Variants in STX8 observed in about 807,000 individuals in gnomAD.
STX8 encodes the protein syntaxin-8.
In STX8, 23 loss-of-function variants were observed where a neutral mutation model predicts 37.5. That is an observed-to-expected ratio of 0.61 (90% CI 0.44 to 0.87). The LOEUF is 0.87. STX8 is among the 40% of genes least tolerant of loss of function. The pLI, the probability that STX8 is intolerant of heterozygous loss-of-function variation, is 0.00. For missense variants in STX8, 313 were observed against 284.7 expected (o/e 1.10, Z -0.71); for synonymous variants, 115 against 99.1 (o/e 1.16, Z -0.95).
At chr17:9,568,211 C>T (rs1161996465) in intron 2 of STX8, among the ~76,000 whole-genome samples, 160 bp downstream of exon 2, 8 of 152,156 alleles carry the variant, frequency 5.3e-5, no homozygotes, top group Middle Eastern at 3.2e-3. Context: ...TCAATGATTA[C>T]ATCACTACTA....
At chr17:9,447,800 T>TA (rs1387052017) in intron 6 of STX8, among the ~76,000 whole-genome samples, 1 of 152,182 alleles carries the variant, frequency 6.6e-6, no homozygotes, top group African/African-American at 2.4e-5. Context: ...TTTATTGGAA[T>TA]AAAAAAATTG....
At chr17:9,385,667 T>C (rs1455212261) in intron 6 of STX8, among the ~76,000 whole-genome samples, 2 of 152,222 alleles carry the variant, frequency 1.3e-5, no homozygotes, top group Admixed American at 6.5e-5. Context: ...TACTAATTGT[T>C]GGGGGAAAAT....
intron 7 of STX8, among the ~76,000 whole-genome samples, chr17:9,347,670 C>T (rs1410450532): frequency 2.0e-5 from 3 of 152,160 alleles, no homozygotes; most frequent in Non-Finnish European, 4.4e-5. Context: ...GCACCTGCCA[C>T]CATGCCCAGC....
chr17:9,262,268 C>T (rs1192996159), intron 7 of STX8, among the ~76,000 whole-genome samples: 2 of 152,232 alleles, frequency 1.3e-5, no homozygotes, highest in Non-Finnish European at 2.9e-5. Flanking sequence ...CGTGTCTGTT[C>T]AACTTAACCC....
chr17:9,517,844 C>T (rs564251208), intron 4 of STX8, among the ~76,000 whole-genome samples: 68 of 145,100 alleles, frequency 4.7e-4, no homozygotes, highest in Non-Finnish European at 8.1e-4. Context: ...TTGAAGAATG[C>T]GTGAGGTTTA....
intron 4 of STX8, among the ~76,000 whole-genome samples, chr17:9,529,341 A>G (rs1905716780): frequency 6.6e-6 from 1 of 152,178 alleles, no homozygotes; most frequent in Non-Finnish European, 1.5e-5. Context: ...GCAAATATGT[A>G]TGTATATAAA....
chr17:9,357,776 G>T (rs764705342), intron 7 of STX8, among the ~76,000 whole-genome samples: 1 of 152,034 alleles, frequency 6.6e-6, no homozygotes, highest in African/African-American at 2.4e-5. Flanking sequence ...AGAGTGAAGG[G>T]CGCAATGCCT....
chr17:9,339,065 C>G (rs1007757124), intron 7 of STX8, among the ~76,000 whole-genome samples: 1 of 126,248 alleles, frequency 7.9e-6, no homozygotes, highest in Non-Finnish European at 1.6e-5. Flanking sequence ...AGCGAGACTC[C>G]GTCTCAAAAA....
intron 6 of STX8, chr17:9,469,668 A>T (rs1003892878): frequency 6.6e-6 from 1 of 152,216 alleles, no homozygotes; most frequent in African/African-American, 2.4e-5. Context: ...TTATAAAACA[A>T]AGCAAAACAA....
chr17:9,260,395 G>T (rs867967344), intron 7 of STX8, among the ~76,000 whole-genome samples: 1 of 152,146 alleles, frequency 6.6e-6, no homozygotes, highest in South Asian at 2.1e-4. Context: ...AGGCCAAGGC[G>T]GGCGGATCCC....
intron 7 of STX8, among the ~76,000 whole-genome samples, chr17:9,325,776 G>A (rs770508620): frequency 5.3e-5 from 8 of 152,218 alleles, no homozygotes; most frequent in Admixed American, 1.3e-4. Flanking sequence ...TTCACCATAC[G>A]GGTCTTGGCA....
At chr17:9,418,539 A>C (rs1024929263) in intron 6 of STX8, among the ~76,000 whole-genome samples, 3 of 151,806 alleles carry the variant, frequency 2.0e-5, no homozygotes, top group African/African-American at 7.3e-5. Context: ...AAACAAAAAA[A>C]AAAACAAGGC....
chr17:9,542,250 C>A (rs1906305388), intron 4 of STX8, among the ~76,000 whole-genome samples: 1 of 151,886 alleles, frequency 6.6e-6, no homozygotes, highest in Non-Finnish European at 1.5e-5. Flanking sequence ...CCCAGCTACT[C>A]GGGAGGCTGA....
At chr17:9,559,809 C>G (rs1269605599) in intron 2 of STX8, among the ~76,000 whole-genome samples, 25 of 65,970 alleles carry the variant, frequency 3.8e-4, no homozygotes, top group African/African-American at 1.8e-3. Context: ...GTTGCCCAGG[C>G]TGGAGTGCAA....
At chr17:9,396,611 G>C (rs778763807) in intron 6 of STX8, among the ~76,000 whole-genome samples, 3 of 151,608 alleles carry the variant, frequency 2.0e-5, no homozygotes, top group Admixed American at 6.6e-5. Flanking sequence ...TCGGGAGGCT[G>C]AGGCAGGAGA....
chr17:9,506,168 C>T (rs568243519), intron 4 of STX8, among the ~76,000 whole-genome samples: 25 of 152,068 alleles, frequency 1.6e-4, no homozygotes, highest in African/African-American at 6.0e-4. Flanking sequence ...CACCTCAGTC[C>T]CCATGTTTTC....
intron 7 of STX8, among the ~76,000 whole-genome samples, chr17:9,257,849 C>T (rs908602138): frequency 2.0e-5 from 3 of 152,128 alleles, no homozygotes; most frequent in South Asian, 2.1e-4. Context: ...ATTAGCCGGG[C>T]GTGATGGCAG....
At chr17:9,250,696 G>T in intron 7 of STX8, 51 bp from the exon 8 acceptor site, 1 of 1,519,110 alleles carries the variant, frequency 6.6e-7, no homozygotes, top group Non-Finnish European at 9.0e-7. Flanking sequence ...TACCAGAAAA[G>T]CATCACACAT....
At chr17:9,378,403 G>T in intron 7 of STX8, 149 bp downstream of exon 7, 3 of 647,070 alleles carry the variant, frequency 4.6e-6, no homozygotes, top group Non-Finnish European at 5.5e-6. Context: ...TTTAACCATT[G>T]TTTAGCAATT....
Sources: gnomAD v4.1 joint callset for allele counts (sites outside exome capture counted in the v4.1 genomes callset) on GRCh38, gnomAD v4.1.1 for gene constraint, MANE v1.5 for transcripts, NCBI Gene and HGNC (gene_info 2026-07-23, HGNC 2026-07-21) for gene names.